The following TRIM42 variants were observed in gnomAD, a reference collection of about 807,000 sequenced individuals.
The protein encoded by TRIM42 is tripartite motif-containing protein 42.
TRIM42 carries 59 observed loss-of-function variants against 64.9 expected under a neutral mutation model. That is an observed-to-expected ratio of 0.91 (90% confidence interval 0.74 to 1.13). TRIM42 has a LOEUF of 1.13. TRIM42 is among the 50% of genes most tolerant of loss of function. The probability of loss-of-function intolerance (pLI) is 0.00; values close to 1 mark genes in which losing one functional copy is unlikely to be tolerated. For missense variants in TRIM42, 878 were observed against 929.5 expected, an observed-to-expected ratio of 0.94 and a Z score of 0.72; for synonymous variants, 354 against 346.3, an observed-to-expected ratio of 1.02 and a Z score of -0.25.
intron 4 of TRIM42, among the ~76,000 whole-genome samples, chr3:140,700,079 G>A (rs1252646165): frequency 1.3e-5 from 2 of 152,058 alleles, no homozygotes; most frequent in Admixed American, 6.6e-5. Context: ...TCATCCCTGG[G>A]TCTCGACCTC....
intron 2 of TRIM42, among the ~76,000 whole-genome samples, chr3:140,686,119 C>T (rs1378661930): frequency 6.6e-6 from 1 of 152,174 alleles, no homozygotes; most frequent in Non-Finnish European, 1.5e-5. Context: ...TTTTATCCTG[C>T]TTCTCAGGAC....
chr3:140,698,372 A>C (rs1248406221), intron 4 of TRIM42, among the ~76,000 whole-genome samples: 2 of 152,194 alleles, frequency 1.3e-5, no homozygotes, highest in Non-Finnish European at 2.9e-5. Flanking sequence ...GGGGTGTTTA[A>C]GTTTTCCTAC....
At chr3:140,693,160 G>C (rs1433949806) in intron 4 of TRIM42, among the ~76,000 whole-genome samples, 9 of 152,216 alleles carry the variant, frequency 5.9e-5, no homozygotes, top group African/African-American at 1.7e-4. Flanking sequence ...CTAAATTAAA[G>C]AGTGAAGAAA....
chr3:140,680,812 A>C (rs1426695898), intron 1 of TRIM42: 1 of 477,884 alleles, frequency 2.1e-6, no homozygotes, highest in East Asian at 1.5e-4. Flanking sequence ...CTGTCACCAC[A>C]GGGCCACTCC....
At chr3:140,690,848 T>C (rs1988691103) in intron 3 of TRIM42, 120 bp from the exon 4 acceptor site, 1 of 741,762 alleles carries the variant, frequency 1.3e-6, no homozygotes, top group African/African-American at 1.8e-5. Flanking sequence ...CTTCGGTAGC[T>C]ACAGGGGATG....
Position 140,682,540 on chromosome 3 carries a change from GGTGAACCACCTCAAT to G in TRIM42, c.421_435del (p.Val141_Asn145del). 6.2e-7 allele frequency: 1 copy of G among 1,614,228 alleles called. No homozygotes were observed. Among genetic ancestry groups the G allele is most frequent in the Admixed American group, 1.7e-5 (1 of 60,026 alleles). Reference sequence around the variant, plus strand: ...AGTCAATACCAGCCAACAGTCACCTGGTGAACCACCTCAATTGCCCCATGTGCAGCCGGCTGCGCC... The same window carrying G: ...AGTCAATACCAGCCAACAGTCACCTGTGCCCCATGTGCAGCCGGCTGCGCC... On this transcript the variant is annotated inframe_deletion, in exon 2 of 5. Coordinates refer to ENST00000286349, the MANE Select transcript of TRIM42 (RefSeq NM_152616.5).
chr3:140,688,085 G>A lies in TRIM42; in HGVS notation c.1403G>A (p.Arg468Gln), dbSNP rs35152580. The A allele has an allele frequency of 1.9e-5, 31 of 1,613,820 alleles. No individual in the cohort carries two copies. Among genetic ancestry groups the A allele is most frequent in the South Asian group, 1.1e-4 (10 of 91,076 alleles). The change falls in exon 3 of 5, where the codon CGG becomes CAG. Residue 468 changes from arginine to glutamine, a missense_variant. Physicochemically the swap from Arg to Gln is conservative, Grantham distance 43 (BLOSUM62 1). Transcript: ENST00000286349. ...QTTYRPDPQLRLHSINYVPLD... is the reference protein window; with the variant it reads ...QTTYRPDPQLQLHSINYVPLD... ...ACCTACAGGCCTGACCCACAGCTCCGGCTGCACTCAATAAACTACGTGCCC... is the reference window on the plus strand; with the variant it reads ...ACCTACAGGCCTGACCCACAGCTCCAGCTGCACTCAATAAACTACGTGCCC...
At chr3:140,689,789 T>G (rs192161622) in intron 3 of TRIM42, among the ~76,000 whole-genome samples, 205 of 151,074 alleles carry the variant, frequency 1.4e-3, no homozygotes, top group Non-Finnish European at 2.2e-3. Flanking sequence ...TTCCAATTGA[T>G]ACTAGATCAG....
rs1988618531 is a variant in TRIM42 at position 140,688,428 on chromosome 3, G to T, written c.1746G>T (p.Gln582His). The T allele has an allele frequency of 6.2e-7, 1 of 1,614,078 alleles. No homozygotes were observed. The highest frequency in any genetic ancestry group is 1.1e-5 in the South Asian group (1 of 91,080). The change falls in exon 3 of 5, where the codon CAG (glutamine) becomes CAT (histidine). Residue 582 changes from glutamine (Q) to histidine (H), a missense_variant. Coordinates refer to ENST00000286349, the MANE Select transcript of TRIM42 (RefSeq NM_152616.5). ...ACTGGAGTGCTGGAGCAGACAGCCA[G>T]TCTGTACAGAACAGCAGCAGCTTCC... ...YTYWSAGADS[Q>H]SVQNSSSFHN...
chr3:140,695,980 G>T (rs1426407973), intron 4 of TRIM42, among the ~76,000 whole-genome samples: 2 of 152,174 alleles, frequency 1.3e-5, no homozygotes, highest in Non-Finnish European at 2.9e-5. Flanking sequence ...GCAGAACCCT[G>T]TTGGTCCTTC....
intron 2 of TRIM42, among the ~76,000 whole-genome samples, chr3:140,685,567 C>T: frequency 6.6e-6 from 1 of 152,104 alleles, no homozygotes; most frequent in East Asian, 1.9e-4. Flanking sequence ...TCTCTGGGTT[C>T]GATTCTAAAC....
chr3:140,696,976 C>T (rs1988868943), intron 4 of TRIM42, among the ~76,000 whole-genome samples: 1 of 152,118 alleles, frequency 6.6e-6, no homozygotes, highest in African/African-American at 2.4e-5. Flanking sequence ...CTTAATTTGA[C>T]CACATCCATG....
intron 4 of TRIM42, among the ~76,000 whole-genome samples, chr3:140,692,570 GAT>G (rs1227678298): frequency 1.0e-4 from 6 of 59,106 alleles, no homozygotes; most frequent in African/African-American, 1.7e-4. Context: ...CACAGAGAGA[GAT>G]AGAGAGAGAG....
At chr3:140,681,600 GCT>G (rs1576415203) in intron 1 of TRIM42, among the ~76,000 whole-genome samples, 2 of 151,978 alleles carry the variant, frequency 1.3e-5, no homozygotes, top group Admixed American at 6.5e-5. Flanking sequence ...GTACAGACTT[GCT>G]CTGTGTTCCA....
chr3:140,687,664 G>C (rs1988580189), intron 2 of TRIM42, 58 bp from the exon 3 acceptor site: 7 of 1,343,778 alleles, frequency 5.2e-6, no homozygotes, highest in Admixed American at 2.2e-5. Flanking sequence ...GTTTGCTACT[G>C]ACTTTGACAC....
chr3:140,679,089 G>A (rs1367646593), intron 1 of TRIM42, among the ~76,000 whole-genome samples: 1 of 151,670 alleles, frequency 6.6e-6, no homozygotes, highest in African/African-American at 2.4e-5. Flanking sequence ...AAGGATTAAT[G>A]TATGTGCTTT....
At chr3:140,694,521 ACT>A (rs1988801313) in intron 4 of TRIM42, among the ~76,000 whole-genome samples, 2 of 152,182 alleles carry the variant, frequency 1.3e-5, no homozygotes, top group African/African-American at 2.4e-5. Context: ...ACTTTGACTC[ACT>A]GTCTCCCTCT....
chr3:140,696,461 T>C (rs1988852836), intron 4 of TRIM42, among the ~76,000 whole-genome samples: 1 of 152,250 alleles, frequency 6.6e-6, no homozygotes, highest in African/African-American at 2.4e-5. Flanking sequence ...TGACCTCCAA[T>C]AATACTGCAG....
intron 1 of TRIM42, chr3:140,680,821 C>A: frequency 2.4e-6 from 1 of 408,946 alleles, no homozygotes; most frequent in Non-Finnish European, 3.3e-6. Context: ...CAGGGCCACT[C>A]CATTCCAATA....
Sources: allele counts gnomAD v4.1 joint callset (sites outside exome capture counted in the v4.1 genomes callset), GRCh38; gene constraint gnomAD v4.1.1; transcripts MANE v1.5; gene names NCBI Gene and HGNC (gene_info 2026-07-23, HGNC 2026-07-21).